Variants in CEP164 observed in about 807,000 individuals in gnomAD.
CEP164 encodes the protein centrosomal protein 164.
CEP164 carries 162 observed loss-of-function variants against 182.7 expected under a neutral mutation model. The ratio of observed to expected loss-of-function variants is 0.89; its 90% CI spans 0.78 to 1.01. The LOEUF (loss-of-function observed/expected upper bound fraction) is 1.01. Among genes scored for constraint, CEP164 ranks in the 50% least tolerant of loss-of-function variants. CEP164 has a pLI of 0.00. For synonymous variants in CEP164, 661 were observed against 690.0 expected (o/e 0.96, Z 0.66); for missense variants, 1,735 against 1,790.4 (o/e 0.97, Z 0.56).
chr11:117,362,691 A>G (rs529563191), intron 7 of CEP164, among the ~76,000 whole-genome samples, 153 bp downstream of exon 7: 4 of 152,010 alleles, frequency 2.6e-5, no homozygotes, highest in Non-Finnish European at 5.9e-5. Flanking sequence ...AATTACCTTC[A>G]CAATGTGTGC....
intron 6 of CEP164, 26 bp downstream of exon 6, chr11:117,362,019 G>A (rs2041044082): frequency 2.0e-6 from 3 of 1,534,014 alleles, no homozygotes; most frequent in African/African-American, 1.4e-5. Flanking sequence ...TGCGTTCAGT[G>A]TCTGTAGTTC....
At chr11:117,366,585 A>T (rs1442878593) in intron 8 of CEP164, among the ~76,000 whole-genome samples, 1 of 152,242 alleles carries the variant, frequency 6.6e-6, no homozygotes, top group Admixed American at 6.5e-5. Context: ...AGTGGATCAA[A>T]GGAGCAGGAG....
rs535439665 is a variant in CEP164, at chr11:117,382,750, G to A, written c.1578-46G>A. ...AAATGGCGTACATCTTAAGCCTCTT[G>A]CTTTCTTACTGGCTTTAACACAGTT... On this transcript the variant is annotated intron_variant, in intron 13 of 32. Coordinates refer to ENST00000278935, the MANE Select transcript of CEP164 (RefSeq NM_014956.5). The A allele has an allele frequency of 1.9e-5, 31 of 1,600,370 alleles. 1 individual carries two copies. In the South Asian group the frequency reaches 2.9e-4, roughly 15 times the overall value.
intron 3 of CEP164, among the ~76,000 whole-genome samples, chr11:117,343,904 C>T (rs2038498950): frequency 6.6e-6 from 1 of 152,154 alleles, no homozygotes; most frequent in African/African-American, 2.4e-5. Flanking sequence ...GCTGAGATTA[C>T]AGGCATGAGC....
intron 1 of CEP164, among the ~76,000 whole-genome samples, chr11:117,328,461 C>G (rs1310044677): frequency 6.6e-6 from 1 of 152,224 alleles, no homozygotes; most frequent in African/African-American, 2.4e-5. Flanking sequence ...CCCTCTACCT[C>G]TGGCACCGCT....
At chr11:117,404,893 T>A (rs771590569) in intron 27 of CEP164, among the ~76,000 whole-genome samples, 4 of 152,208 alleles carry the variant, frequency 2.6e-5, no homozygotes, top group Non-Finnish European at 5.9e-5. Context: ...CTACAGTGGC[T>A]TTGTGGAGCT....
rs1263390695 is a variant in CEP164, at chr11:117,413,173, C to G, written c.*1005C>G. The G allele has an allele frequency of 6.6e-6, 1 of 152,164 alleles. No individual in the cohort carries two copies. The highest frequency in any genetic ancestry group is 1.5e-5 in the Non-Finnish European group (1 of 68,044). 9.4% of individuals were successfully genotyped at this position (152,164 alleles called of 1,614,324 possible). A position where few individuals can be genotyped will look rare whatever the true frequency, so the allele number is the denominator to read the frequency against. On this transcript the variant is annotated 3_prime_UTR_variant, in exon 33 of 33. Transcript: ENST00000278935. ...CGTCCTGCAGCCCCGCTTCCATCAG[C>G]AGGCTCTGGGGTGGGGGCTTTGCAG... is the stretch of plus-strand genomic sequence containing the variant.
intron 11 of CEP164, among the ~76,000 whole-genome samples, chr11:117,376,851 T>C (rs1429840812): frequency 6.6e-6 from 1 of 152,174 alleles, no homozygotes; most frequent in Non-Finnish European, 1.5e-5. Flanking sequence ...AGCAGGCGAA[T>C]TGTGAGGCTC....
chr11:117,392,432 C>A, intron 18 of CEP164, 64 bp from the exon 19 acceptor site: 2 of 1,582,018 alleles, frequency 1.3e-6, no homozygotes, highest in African/African-American at 1.3e-5. Context: ...AACACATCCC[C>A]ACACAGCAGC....
At chr11:117,324,408 C>A (rs2134527841), upstream of CEP164, among the ~76,000 whole-genome samples, 1 of 150,716 alleles carries the variant, frequency 6.6e-6, no homozygotes, top group Middle Eastern at 3.4e-3. Flanking sequence ...GATTGCACCA[C>A]TGCACTCCAG....
chr11:117,392,384 C>G, intron 18 of CEP164, 81 bp downstream of exon 18: 1 of 1,566,580 alleles, frequency 6.4e-7, no homozygotes, highest in Non-Finnish European at 8.7e-7. Context: ...CAGCGAGCCT[C>G]TCTCTCCAGC....
intron 9 of CEP164, among the ~76,000 whole-genome samples, chr11:117,371,854 G>A (rs1279350061): frequency 6.7e-6 from 1 of 148,510 alleles, no homozygotes; most frequent in East Asian, 2.0e-4. Context: ...CCAGGTTGGA[G>A]TGCAGTGGCG....
At position 117,395,002 on chromosome 11, in the gene CEP164, A is replaced by C. The variant is rs1017881834; in HGVS notation, c.2843A>C (p.Gln948Pro). ...GCCAGATTGGCTCTGCTGGAGGTCC[A>C]GGTGAGGGATCTGCAGGAGTCCTTG... ...VKARLALLEV[Q>P]EETARREKQQ... Residue 948 changes from glutamine to proline, a missense_variant and splice_region_variant, in exon 22 of 33, where the codon CAG (glutamine) becomes CCG (proline). By Grantham distance (76) the Gln-to-Pro change is moderately conservative. Transcript: ENST00000278935. 6.2e-7 allele frequency: 1 copy of C among 1,613,984 alleles called. No homozygotes were observed. The highest frequency in any genetic ancestry group is 1.7e-5 in the Admixed American group (1 of 60,014).
intron 30 of CEP164, chr11:117,410,201 C>T (rs975833142): frequency 1.3e-4 from 79 of 628,214 alleles, no homozygotes; most frequent in Middle Eastern, 2.5e-4. Flanking sequence ...TGGGTTGGGA[C>T]GGTTTAGATG....
chr11:117,395,508 G>A, intron 23 of CEP164, 39 bp from the exon 24 acceptor site: 1 of 1,571,786 alleles, frequency 6.4e-7, no homozygotes, highest in Non-Finnish European at 8.6e-7. Context: ...TTCTCTCTGT[G>A]CTGTCTCTGG....
At chr11:117,373,906 C>A in intron 10 of CEP164, 75 bp downstream of exon 10, 1 of 1,291,032 alleles carries the variant, frequency 7.7e-7, no homozygotes, top group Non-Finnish European at 1.1e-6. Context: ...AAGTAATTTG[C>A]CTAGCATCAC....
rs765791887 is a variant in CEP164 at position 117,411,823 on chromosome 11, C to T, written c.4192C>T (p.His1398Tyr). The T allele has an allele frequency of 2.5e-6, 4 of 1,614,184 alleles. No individual in the cohort carries two copies. The South Asian group carries it at 4.4e-5, about 18-fold the overall frequency. Residue 1398 changes from histidine to tyrosine, a missense_variant, in exon 32 of 33, where the codon CAT becomes TAT. His to Tyr is a moderately conservative substitution (Grantham distance 83). Coordinates refer to ENST00000278935, the MANE Select transcript of CEP164 (RefSeq NM_014956.5). The surrounding 1 kb of genome is among the most constrained non-coding windows in gnomAD (Gnocchi z 4.4). Reference protein sequence around the residue: ...SEQLRLLQHSHSQVPEAGSTT... With the variant: ...SEQLRLLQHSYSQVPEAGSTT... Reference sequence around the variant, plus strand: ...GCAGCTCCGGCTCCTACAGCACTCCCATTCGCAAGTCCCTGAGGCGGGCAG... The same window carrying T: ...GCAGCTCCGGCTCCTACAGCACTCCTATTCGCAAGTCCCTGAGGCGGGCAG...
chr11:117,410,405 C>A, intron 30 of CEP164: 1 of 284,952 alleles, frequency 3.5e-6, no homozygotes, highest in Non-Finnish European at 6.6e-6. Context: ...GATGAGGAAA[C>A]TGAGTTTCAG....
chr11:117,381,603 G>A, intron 12 of CEP164, 98 bp from the exon 13 acceptor site: 1 of 1,360,766 alleles, frequency 7.3e-7, no homozygotes, highest in Non-Finnish European at 9.9e-7. Context: ...TAACCCAGGA[G>A]GAGGCAATGA....
Sources: allele counts gnomAD v4.1 joint callset (sites outside exome capture counted in the v4.1 genomes callset), GRCh38; gene constraint gnomAD v4.1.1; non-coding constraint Gnocchi (gnomAD v3.1); transcripts MANE v1.5; gene names NCBI Gene and HGNC (gene_info 2026-07-23, HGNC 2026-07-21).